Variants in SGCZ observed in about 807,000 individuals in gnomAD.
The protein encoded by SGCZ is sarcoglycan zeta.
SGCZ carries 40 observed loss-of-function variants against 41.3 expected under a neutral mutation model. The observed-to-expected ratio is 0.97, with a 90% CI of 0.75 to 1.26. The LOEUF is 1.26. SGCZ is among the 50% of genes most tolerant of loss of function. The probability of loss-of-function intolerance (pLI) is 0.00; values close to 1 mark genes in which losing one functional copy is unlikely to be tolerated. For synonymous variants in SGCZ, 206 were observed against 137.5 expected, an observed-to-expected ratio of 1.50 and a Z score of -3.49; for missense variants, 552 against 369.8, an observed-to-expected ratio of 1.49 and a Z score of -4.04.
At chr8:14,805,697 C>A (rs1445154073) in intron 1 of SGCZ, among the ~76,000 whole-genome samples, 1 of 151,870 alleles carries the variant, frequency 6.6e-6, no homozygotes, top group African/African-American at 2.4e-5. Context: ...CAAGGATACC[C>A]AGGAATTGAA....
At chr8:14,118,698 T>A (rs533252001) in intron 5 of SGCZ, among the ~76,000 whole-genome samples, 30 of 152,330 alleles carry the variant, frequency 2.0e-4, no homozygotes, top group African/African-American at 6.7e-4. Context: ...GTTTTAGGTG[T>A]TACATTTAGG....
intron 1 of SGCZ, among the ~76,000 whole-genome samples, chr8:14,685,472 A>G (rs1382850875): frequency 6.6e-6 from 1 of 152,146 alleles, no homozygotes. Flanking sequence ...ATGAAATTGG[A>G]GGAGCCCTTT....
intron 3 of SGCZ, among the ~76,000 whole-genome samples, chr8:14,251,762 G>C (rs552684472): frequency 1.3e-5 from 2 of 152,150 alleles, no homozygotes; most frequent in Admixed American, 1.3e-4. Context: ...TTAAATGTAG[G>C]TATAAATTTA....
chr8:14,119,736 A>G (rs762627373), intron 5 of SGCZ, among the ~76,000 whole-genome samples: 8 of 152,296 alleles, frequency 5.3e-5, no homozygotes, highest in Non-Finnish European at 1.0e-4. Context: ...GATACATTCC[A>G]TCAATATCTA....
At chr8:14,529,001 T>C (rs1278799226) in intron 2 of SGCZ, among the ~76,000 whole-genome samples, 1 of 151,984 alleles carries the variant, frequency 6.6e-6, no homozygotes, top group African/African-American at 2.4e-5. Flanking sequence ...AAACCAAAAA[T>C]GGCTTATGAT....
At chr8:15,087,426 G>T (rs1477809336) in intron 1 of SGCZ, among the ~76,000 whole-genome samples, 5 of 152,068 alleles carry the variant, frequency 3.3e-5, no homozygotes, top group Admixed American at 2.0e-4. Context: ...CAGAAATATG[G>T]CAGACTAACA....
intron 1 of SGCZ, among the ~76,000 whole-genome samples, chr8:15,214,544 G>A (rs1801337738): frequency 6.6e-6 from 1 of 152,024 alleles, no homozygotes; most frequent in Non-Finnish European, 1.5e-5. Context: ...GTTGAAATCT[G>A]AAACCTCTGC....
chr8:14,751,974 A>AT (rs1042186873), intron 1 of SGCZ, among the ~76,000 whole-genome samples: 1 of 151,768 alleles, frequency 6.6e-6, no homozygotes, highest in African/African-American at 2.4e-5. Flanking sequence ...ACCTTAGAGG[A>AT]TTTGAGGACA....
At position 14,680,609 on chromosome 8, in the gene SGCZ, T is replaced by G. The variant is rs139460122; in HGVS notation, c.40-125683A>C. Among the ~76,000 whole-genome samples, 50 of 152,102 alleles carry G rather than the reference T, an allele frequency of 3.3e-4. No homozygotes were observed. In the East Asian group the frequency reaches 9.3e-3, roughly 28 times the overall value. On this transcript the variant is annotated intron_variant, in intron 1 of 7. Transcript: ENST00000382080. Reference sequence around the variant, plus strand: ...AAATACATTAAAAAGCTCTTATAAATACACTGCATATATTCCAAAGTAGAA... The same window carrying G: ...AAATACATTAAAAAGCTCTTATAAAGACACTGCATATATTCCAAAGTAGAA...
chr8:14,776,182 T>C (rs977370505), intron 1 of SGCZ, among the ~76,000 whole-genome samples: 3 of 152,186 alleles, frequency 2.0e-5, no homozygotes, highest in African/African-American at 4.8e-5. Context: ...CTCTTTGATA[T>C]GGTTTGACTG....
chr8:14,934,708 T>C (rs1364997441), intron 1 of SGCZ, among the ~76,000 whole-genome samples: 1 of 151,534 alleles, frequency 6.6e-6, no homozygotes, highest in Non-Finnish European at 1.5e-5. Context: ...TTTTTTAAAG[T>C]GATGAAAGAT....
chr8:14,722,449 T>C lies in SGCZ; in HGVS notation c.40-167523A>G, dbSNP rs117420256. On this transcript the variant is annotated intron_variant, in intron 1 of 7. Coordinates refer to ENST00000382080, the MANE Select transcript of SGCZ (RefSeq NM_139167.4). ...AATGTGGATTTATTAAGGAATACTT[T>C]ATTATTATAATAAAACAAAATATTG... is the stretch of plus-strand genomic sequence containing the variant. 5.0e-3 allele frequency among the ~76,000 whole-genome samples: 768 copies of C among 152,246 alleles called. 2 individuals are homozygous for C. Among genetic ancestry groups the C allele is most frequent in the East Asian group, 0.019 (100 of 5,188 alleles).
rs1346260553 is a variant in SGCZ at position 14,802,751 on chromosome 8, G to C, written c.40-247825C>G. On this transcript the variant is annotated intron_variant, in intron 1 of 7. Transcript: ENST00000382080. The stretch of plus-strand genomic sequence containing the variant: ...AGCATGTGTATTGTGGAGCCCTAAG[G>C]AGTTAAAAGACAAATTGAAAAATGG... Among the ~76,000 whole-genome samples the C allele has an allele frequency of 2.0e-5, 3 of 152,284 alleles. No individual in the cohort carries two copies. The South Asian group carries it at 6.2e-4, about 32-fold the overall frequency.
intron 2 of SGCZ, among the ~76,000 whole-genome samples, chr8:14,541,311 G>T (rs12676207): frequency 0.67 from 101,597 of 151,390 alleles, 35,352 homozygotes; most frequent in Middle Eastern, 0.8. Context: ...TTACCCCCAC[G>T]CCCGGCAGGC....
At chr8:14,132,511 G>T (rs1039767929) in intron 5 of SGCZ, among the ~76,000 whole-genome samples, 2 of 151,856 alleles carry the variant, frequency 1.3e-5, no homozygotes, top group African/African-American at 4.8e-5. Flanking sequence ...TAAACAATAC[G>T]TTCTGTTTGT....
At chr8:15,222,912 T>C (rs1801652022) in intron 1 of SGCZ, among the ~76,000 whole-genome samples, 1 of 152,128 alleles carries the variant, frequency 6.6e-6, no homozygotes, top group Non-Finnish European at 1.5e-5. Context: ...AACTGATAAT[T>C]GCCAACATTC....
chr8:14,698,497 C>T (rs1288045181), intron 1 of SGCZ, among the ~76,000 whole-genome samples: 1 of 151,734 alleles, frequency 6.6e-6, no homozygotes. Flanking sequence ...TAAAACACAC[C>T]TAATTTCTAA....
chr8:14,533,370 T>G (rs1180289363), intron 2 of SGCZ, among the ~76,000 whole-genome samples: 4 of 152,104 alleles, frequency 2.6e-5, no homozygotes, highest in Non-Finnish European at 4.4e-5. Flanking sequence ...ATTAAAATAT[T>G]TAAAGGCTCA....
At chr8:14,405,917 G>C (rs1799200648) in intron 2 of SGCZ, among the ~76,000 whole-genome samples, 1 of 152,202 alleles carries the variant, frequency 6.6e-6, no homozygotes, top group Middle Eastern at 3.4e-3. Context: ...TTTTTAAATG[G>C]AGGTGCAAGC....
Sources: allele counts gnomAD v4.1 joint callset (sites outside exome capture counted in the v4.1 genomes callset), GRCh38; gene constraint gnomAD v4.1.1; transcripts MANE v1.5; gene names NCBI Gene and HGNC (gene_info 2026-07-23, HGNC 2026-07-21).